Variants in KCNQ1OT1 observed in about 807,000 individuals in gnomAD.
KCNQ1OT1 encodes KCNQ1 opposite strand/antisense transcript 1.
Position 2,673,376 on chromosome 11 carries a change from C to A in KCNQ1OT1, n.26619G>T, listed in dbSNP as rs231359. On this transcript the variant is annotated non_coding_transcript_exon_variant, in exon 1 of 1. Coordinates refer to ENST00000597346, the Ensembl canonical transcript of KCNQ1OT1. This position sits in a 1 kb window ranked among gnomAD's most constrained non-coding sequence, Gnocchi z 4.5. ...AACAAAGGGAAGTGACAGAGCAGAG[C>A]TCCCCTTGGCCTTTGTTTAGCCCAC... is the stretch of plus-strand genomic sequence containing the variant. 0.36 allele frequency: 141,532 copies of A among 398,476 alleles called. 29,403 individuals carry two copies. The highest frequency in any genetic ancestry group is 0.83 in the East Asian group (23,348 of 28,070). 24.7% of individuals were successfully genotyped at this position (398,476 alleles called of 1,614,324 possible).
chr11:2,660,676 G>C, exon 1 of KCNQ1OT1: 1 of 398,610 alleles, frequency 2.5e-6, no homozygotes, highest in Non-Finnish European at 4.4e-6. Flanking sequence ...ATCCATGCTT[G>C]ATAGTCCCTG....
rs1438006129 is a variant in KCNQ1OT1, at chr11:2,671,601, C to A, written n.28394G>T. 7.5e-6 allele frequency: 3 copies of A among 398,664 alleles called. No homozygotes were observed. In the East Asian group the frequency reaches 1.1e-4, roughly 14 times the overall value. The allele number at this position is 398,664 out of a possible 1,614,324, so 24.7% of individuals were successfully genotyped here. On this transcript the variant is annotated non_coding_transcript_exon_variant, in exon 1 of 1. Coordinates refer to ENST00000597346, the Ensembl canonical transcript of KCNQ1OT1. The surrounding 1 kb of genome is among the most constrained non-coding windows in gnomAD (Gnocchi z 4.7). ...ATTTATACAAGATCAGACTGCACTG[C>A]ACCCTAAGTATAAACCTTGCCACAG... is the stretch of plus-strand genomic sequence containing the variant.
chr11:2,642,766 G>A lies in KCNQ1OT1; in HGVS notation n.57229C>T, dbSNP rs1009489299. On this transcript the variant is annotated non_coding_transcript_exon_variant, in exon 1 of 1. Transcript: ENST00000597346. The surrounding 1 kb of genome is among the most constrained non-coding windows in gnomAD (Gnocchi z 4.3). ...TCAGGTGTATCATTAGATTATTTAAGATCTTTTCTACCTTTTTTAATGGAG... is the reference window on the plus strand; with the variant it reads ...TCAGGTGTATCATTAGATTATTTAAAATCTTTTCTACCTTTTTTAATGGAG... 4 of 397,530 alleles carry A rather than the reference G, an allele frequency of 1.0e-5. No homozygotes were observed. The highest frequency in any genetic ancestry group is 4.4e-5 in the Admixed American group (1 of 22,702). 24.6% of individuals were successfully genotyped at this position (397,530 alleles called of 1,614,324 possible). A position where few individuals can be genotyped will look rare whatever the true frequency, so the allele number is the denominator to read the frequency against.
In KCNQ1OT1 at chr11:2,651,564, TTACC is replaced by T; in HGVS notation, n.48427_48430del. ...CCTGAGAACATGGATATTGTGTTCT[TTACC>T]TCCATGTCTCCAGTGCCTGCCACAT... On this transcript the variant is annotated non_coding_transcript_exon_variant, in exon 1 of 1. Coordinates refer to ENST00000597346, the Ensembl canonical transcript of KCNQ1OT1. This position sits in a 1 kb window ranked among gnomAD's most constrained non-coding sequence, Gnocchi z 6.1. 1 of 398,604 alleles carries T rather than the reference TTACC, an allele frequency of 2.5e-6. No individual in the cohort carries two copies. Among genetic ancestry groups the T allele is most frequent in the Non-Finnish European group, 4.4e-6 (1 of 226,072 alleles). The allele number at this position is 398,604 out of a possible 1,614,324, so 24.7% of individuals were successfully genotyped here.
At position 2,668,696 on chromosome 11, in the gene KCNQ1OT1, T is replaced by A; in HGVS notation, n.31299A>T. 2.5e-6 allele frequency: 1 copy of A among 398,570 alleles called. No homozygotes were observed. The highest frequency in any genetic ancestry group is 4.4e-5 in the Admixed American group (1 of 22,726). The allele number at this position is 398,570 out of a possible 1,614,324, so 24.7% of individuals were successfully genotyped here. On this transcript the variant is annotated non_coding_transcript_exon_variant, in exon 1 of 1. Transcript: ENST00000597346. The surrounding 1 kb of genome is among the most constrained non-coding windows in gnomAD (Gnocchi z 4.3). ...TTGTCAGAGAGAGAGATACACACAC[T>A]CACACTCTCTCACAGACACACACAT...
Position 2,682,921 on chromosome 11 carries a change from G to A in KCNQ1OT1, n.17074C>T, listed in dbSNP as rs1850423000. On this transcript the variant is annotated non_coding_transcript_exon_variant, in exon 1 of 1. Coordinates refer to ENST00000597346, the Ensembl canonical transcript of KCNQ1OT1. This position sits in a 1 kb window ranked among gnomAD's most constrained non-coding sequence, Gnocchi z 5.8. ...ACAGAAAATGGTGGCACCTGGAGAG[G>A]TGCTCAGGTCTGTGTGGAAGAAAGG... The A allele has an allele frequency of 5.0e-6, 2 of 398,618 alleles. No individual in the cohort carries two copies. Among genetic ancestry groups the A allele is most frequent in the Admixed American group, 8.8e-5 (2 of 22,740 alleles). 24.7% of individuals were successfully genotyped at this position (398,618 alleles called of 1,614,324 possible). A position where few individuals can be genotyped will look rare whatever the true frequency, so the allele number is the denominator to read the frequency against.
Position 2,679,177 on chromosome 11 carries a change from G to C in KCNQ1OT1, n.20818C>G. 1 of 398,642 alleles carries C rather than the reference G, an allele frequency of 2.5e-6. No homozygotes were observed. The highest frequency in any genetic ancestry group is 4.4e-6 in the Non-Finnish European group (1 of 226,098). The allele number at this position is 398,642 out of a possible 1,614,324, so 24.7% of individuals were successfully genotyped here. A position where few individuals can be genotyped will look rare whatever the true frequency, so the allele number is the denominator to read the frequency against. On this transcript the variant is annotated non_coding_transcript_exon_variant, in exon 1 of 1. Coordinates refer to ENST00000597346, the Ensembl canonical transcript of KCNQ1OT1. This position sits in a 1 kb window ranked among gnomAD's most constrained non-coding sequence, Gnocchi z 4.8. ...CAGCAGCGACTCAGTTTCCATGTCTGAGTTAGGCCACCTGTAACAATGCAG... is the reference window on the plus strand; with the variant it reads ...CAGCAGCGACTCAGTTTCCATGTCTCAGTTAGGCCACCTGTAACAATGCAG...
At chr11:2,688,187 G>A (rs1020354895) in exon 1 of KCNQ1OT1, 16 of 398,680 alleles carry the variant, frequency 4.0e-5, no homozygotes, top group South Asian at 3.8e-4. Flanking sequence ...CCCAAGCAAG[G>A]GGGCAGGAGG....
At position 2,652,319 on chromosome 11, in the gene KCNQ1OT1, G is replaced by A. The variant is rs1253238266; in HGVS notation, n.47676C>T. The A allele has an allele frequency of 2.5e-6, 1 of 398,574 alleles. No homozygotes were observed. Among genetic ancestry groups the A allele is most frequent in the Admixed American group, 4.4e-5 (1 of 22,726 alleles). 24.7% of individuals were successfully genotyped at this position (398,574 alleles called of 1,614,324 possible). On this transcript the variant is annotated non_coding_transcript_exon_variant, in exon 1 of 1. Coordinates refer to ENST00000597346, the Ensembl canonical transcript of KCNQ1OT1. The surrounding 1 kb of genome is among the most constrained non-coding windows in gnomAD (Gnocchi z 5.9). ...CCTCACTAATTGCTTTGATTATTGT[G>A]TGAAGTTAAGAACTGGCACATTTCC...
At chr11:2,648,297 T>C (rs1408819489) in exon 1 of KCNQ1OT1, 1 of 398,488 alleles carries the variant, frequency 2.5e-6, no homozygotes, top group African/African-American at 2.1e-5. Context: ...CTTTACTATT[T>C]ATTTCCTTCT....
chr11:2,667,776 C>T, exon 1 of KCNQ1OT1: 1 of 398,720 alleles, frequency 2.5e-6, no homozygotes, highest in Non-Finnish European at 4.4e-6. Context: ...AAGGCCAGGG[C>T]TATCCACCTA....
chr11:2,622,913 C>T, exon 1 of KCNQ1OT1: 2 of 398,636 alleles, frequency 5.0e-6, no homozygotes, highest in Non-Finnish European at 8.8e-6. Context: ...AACATTAGGG[C>T]TCACTGTTGG....
At position 2,652,015 on chromosome 11, in the gene KCNQ1OT1, T is replaced by C. The variant is rs1398124065; in HGVS notation, n.47980A>G. 2 of 398,690 alleles carry C rather than the reference T, an allele frequency of 5.0e-6. No homozygotes were observed. Among genetic ancestry groups the C allele is most frequent in the Admixed American group, 4.4e-5 (1 of 22,742 alleles). 24.7% of individuals were successfully genotyped at this position (398,690 alleles called of 1,614,324 possible). ...TCAGTTGTTAACATAATTTTGATGTTGAGCCTCCCCCCAGTTCTGGGGTGG... is the reference window on the plus strand; with the variant it reads ...TCAGTTGTTAACATAATTTTGATGTCGAGCCTCCCCCCAGTTCTGGGGTGG... On this transcript the variant is annotated non_coding_transcript_exon_variant, in exon 1 of 1. Transcript: ENST00000597346. The surrounding 1 kb of genome is among the most constrained non-coding windows in gnomAD (Gnocchi z 5.9).
exon 1 of KCNQ1OT1, chr11:2,614,837 CTT>C (rs1204424114): frequency 5.0e-6 from 2 of 398,376 alleles, no homozygotes; most frequent in Non-Finnish European, 8.9e-6. Flanking sequence ...AGTCTTCCAA[CTT>C]TGTTCTTTTT....
At chr11:2,644,844 T>G in exon 1 of KCNQ1OT1, 1 of 398,706 alleles carries the variant, frequency 2.5e-6, no homozygotes, top group Non-Finnish European at 4.4e-6. Context: ...GGAGTTCCTC[T>G]GTAGTTTAGG....
In KCNQ1OT1 at chr11:2,647,984, C is replaced by T. The variant is rs1345636579; in HGVS notation, n.52011G>A. ...AACCCAGTACTTTGGAAGGCCAAGG[C>T]AGGCCGATCGCTTGAGTCCAGGAGT... is the stretch of plus-strand genomic sequence containing the variant. On this transcript the variant is annotated non_coding_transcript_exon_variant, in exon 1 of 1. Coordinates refer to ENST00000597346, the Ensembl canonical transcript of KCNQ1OT1. The surrounding 1 kb of genome is among the most constrained non-coding windows in gnomAD (Gnocchi z 4.0). 1.3e-5 allele frequency: 5 copies of T among 396,950 alleles called. No homozygotes were observed. Among genetic ancestry groups the T allele is most frequent in the African/African-American group, 6.2e-5 (3 of 48,172 alleles). 24.6% of individuals were successfully genotyped at this position (396,950 alleles called of 1,614,324 possible).
chr11:2,659,698 T>G lies in KCNQ1OT1; in HGVS notation n.40297A>C, dbSNP rs1849915620. The stretch of plus-strand genomic sequence containing the variant: ...ACTATTTCCTAAAGTCACTGTGCCA[T>G]TTTGCATTCCCACCAGTAACATATG... On this transcript the variant is annotated non_coding_transcript_exon_variant, in exon 1 of 1. Coordinates refer to ENST00000597346, the Ensembl canonical transcript of KCNQ1OT1. The surrounding 1 kb of genome is among the most constrained non-coding windows in gnomAD (Gnocchi z 4.3). The G allele has an allele frequency of 2.5e-6, 1 of 398,408 alleles. No individual in the cohort carries two copies. The highest frequency in any genetic ancestry group is 2.1e-5 in the African/African-American group (1 of 48,630). The allele number at this position is 398,408 out of a possible 1,614,324, so 24.7% of individuals were successfully genotyped here.
At position 2,682,464 on chromosome 11, in the gene KCNQ1OT1, T is replaced by A; in HGVS notation, n.17531A>T. 7.8e-6 allele frequency: 3 copies of A among 384,698 alleles called. No individual in the cohort carries two copies. The highest frequency in any genetic ancestry group is 6.9e-5 in the African/African-American group (3 of 43,182). The allele number at this position is 384,698 out of a possible 1,614,324, so 23.8% of individuals were successfully genotyped here. On this transcript the variant is annotated non_coding_transcript_exon_variant, in exon 1 of 1. Transcript: ENST00000597346. The surrounding 1 kb of genome is among the most constrained non-coding windows in gnomAD (Gnocchi z 5.8). The stretch of plus-strand genomic sequence containing the variant: ...TATGGAGCCTGTCACGGACCCTCAG[T>A]GAATGTTTGACGAGTGAGTGAGTGA...
chr11:2,672,065 G>C, exon 1 of KCNQ1OT1: 1 of 398,668 alleles, frequency 2.5e-6, no homozygotes, highest in Middle Eastern at 6.3e-4. Context: ...ATCCTCCCCT[G>C]GTCCCTGGTC....
Sources: gnomAD v4.1 joint callset for allele counts on GRCh38, gnomAD v4.1.1 for gene constraint, Gnocchi (gnomAD v3.1) non-coding constraint, MANE v1.5 for transcripts, NCBI Gene and HGNC (gene_info 2026-07-23, HGNC 2026-07-21) for gene names.